Variants in CEMIP observed in about 807,000 individuals in gnomAD.
CEMIP encodes cell migration inducing hyaluronidase 1.
CEMIP carries 105 observed loss-of-function variants against 156.9 expected under a neutral mutation model. That is an observed-to-expected ratio of 0.67 (90% CI 0.57 to 0.79). The LOEUF (loss-of-function observed/expected upper bound fraction) is 0.79, where lower values mean the gene tolerates loss of function less well. Among genes scored for constraint, CEMIP ranks in the 30% least tolerant of loss-of-function variants. The pLI, the probability that CEMIP is intolerant of heterozygous loss-of-function variation, is 0.00. For missense variants in CEMIP, 1,457 were observed against 1,769.4 expected, an observed-to-expected ratio of 0.82 and a Z score of 3.17; for synonymous variants, 676 against 668.4, an observed-to-expected ratio of 1.01 and a Z score of -0.17.
At chr15:80,904,782 A>G (rs138162738) in intron 12 of CEMIP, among the ~76,000 whole-genome samples, 118 of 152,290 alleles carry the variant, frequency 7.7e-4, no homozygotes, top group African/African-American at 2.8e-3. Flanking sequence ...TGACACCTTG[A>G]TTTATCCCCG....
At chr15:80,893,242 GTTA>G (rs762660166) in intron 10 of CEMIP, among the ~76,000 whole-genome samples, 2 of 151,784 alleles carry the variant, frequency 1.3e-5, no homozygotes, top group African/African-American at 2.4e-5. Flanking sequence ...TTTACTATTA[GTTA>G]TTATATTGAT....
intron 1 of CEMIP, among the ~76,000 whole-genome samples, chr15:80,820,460 GT>G (rs1215125479): frequency 2.6e-5 from 4 of 152,146 alleles, no homozygotes; most frequent in South Asian, 2.1e-4. Context: ...ATGGGTCAAG[GT>G]TTTTTCCTTG....
chr15:80,894,479 T>G (rs1254074956), intron 10 of CEMIP, among the ~76,000 whole-genome samples: 1 of 152,178 alleles, frequency 6.6e-6, no homozygotes, highest in African/African-American at 2.4e-5. Context: ...TAGAATCACC[T>G]GGACAACTTT....
chr15:80,944,195 G>A lies in CEMIP; in HGVS notation c.3857+1093G>A, dbSNP rs376138533. On this transcript the variant is annotated intron_variant, in intron 28 of 29. Transcript: ENST00000394685. ...CTCAGGAGGCTGAGGCAGGAGAATC[G>A]CTTGAACCCAGGAGGCGGACGTTGC... Among the ~76,000 whole-genome samples, 678 of 152,232 alleles carry A rather than the reference G, an allele frequency of 4.5e-3. 5 individuals carry two copies. The highest frequency in any genetic ancestry group is 0.015 in the African/African-American group (623 of 41,526).
At position 80,922,149 on chromosome 15, in the gene CEMIP, C is replaced by T. The variant is rs1351921229; in HGVS notation, c.2202+12C>T. On this transcript the variant is annotated intron_variant, in intron 17 of 29. Coordinates refer to ENST00000394685, the MANE Select transcript of CEMIP (RefSeq NM_001293298.2). ...ATTCCAACTACCGGGTAAGTCTTTC[C>T]AGGCTGCGCCTCTCTGGCCAGCCTC... The T allele has an allele frequency of 3.1e-6, 5 of 1,613,892 alleles. No homozygotes were observed. Among genetic ancestry groups the T allele is most frequent in the Non-Finnish European group, 4.2e-6 (5 of 1,179,910 alleles).
rs1167322786 is a variant in CEMIP, at chr15:80,906,006, C to A, written c.1412-657C>A. 1.3e-5 allele frequency among the ~76,000 whole-genome samples: 2 copies of A among 152,240 alleles called. No individual in the cohort carries two copies. Among genetic ancestry groups the A allele is most frequent in the African/African-American group, 2.4e-5 (1 of 41,460 alleles). On this transcript the variant is annotated intron_variant, in intron 12 of 29. Coordinates refer to ENST00000394685, the MANE Select transcript of CEMIP (RefSeq NM_001293298.2). The surrounding 1 kb of genome is among the most constrained non-coding windows in gnomAD (Gnocchi z 4.3). ...TCCAATCTGGCTCTTTCTGGAGCCC[C>A]AGGCTGTAGATACACACTCTACATG...
chr15:80,786,556 C>CTGTGTGTGTGTGTGTGTG (rs3048927), intron 1 of CEMIP, among the ~76,000 whole-genome samples: 55 of 140,718 alleles, frequency 3.9e-4, no homozygotes, highest in South Asian at 1.2e-3. Context: ...GGATGTCTTG[C>CTGTGTGTGTGTGTGTGTG]TGTGTGTGTG....
intron 1 of CEMIP, among the ~76,000 whole-genome samples, chr15:80,829,507 C>G (rs559208954): frequency 1.3e-5 from 2 of 152,338 alleles, no homozygotes; most frequent in African/African-American, 4.8e-5. Context: ...TCTGGACCGC[C>G]CTGCCATGTT....
intron 12 of CEMIP, chr15:80,897,228 T>A (rs560050862): frequency 2.2e-4 from 98 of 455,478 alleles, no homozygotes; most frequent in African/African-American, 1.9e-3. Flanking sequence ...GACCATGGAT[T>A]GAGAAAGCGT....
chr15:80,859,951 G>A (rs1897945306), intron 1 of CEMIP, among the ~76,000 whole-genome samples: 1 of 152,148 alleles, frequency 6.6e-6, no homozygotes, highest in Admixed American at 6.5e-5. Context: ...AACCCAAAGG[G>A]TAGGGTGGAT....
chr15:80,909,758 G>T (rs915261198), intron 14 of CEMIP: 1 of 396,870 alleles, frequency 2.5e-6, no homozygotes. Context: ...AAGTGCTGCT[G>T]GGAGAAATAC....
At chr15:80,920,054 C>A (rs1567101069) in intron 14 of CEMIP, 40 bp from the exon 15 acceptor site, 2 of 1,592,562 alleles carry the variant, frequency 1.3e-6, no homozygotes, top group Non-Finnish European at 1.7e-6. Flanking sequence ...ACATGAATAA[C>A]TGGATGCTTG....
Position 80,928,842 on chromosome 15 carries a change from C to T in CEMIP, c.2421-60C>T, listed in dbSNP as rs374943534. On this transcript the variant is annotated intron_variant, in intron 19 of 29. Transcript: ENST00000394685. The stretch of plus-strand genomic sequence containing the variant: ...GGGCAGGGAAGTGTCCTTCTCTCCA[C>T]GACTCCACTGAATGTGAAGCCAGGG... The T allele has an allele frequency of 4.4e-5, 71 of 1,604,604 alleles. No homozygotes were observed. In the African/African-American group the frequency reaches 5.0e-4, roughly 11 times the overall value.
At chr15:80,877,190 G>A (rs891181231) in intron 3 of CEMIP, among the ~76,000 whole-genome samples, 4 of 152,158 alleles carry the variant, frequency 2.6e-5, no homozygotes, top group Admixed American at 2.6e-4. Context: ...CATGGGAATT[G>A]TGAGAGCTAC....
chr15:80,780,562 G>T (rs953211950), intron 1 of CEMIP, among the ~76,000 whole-genome samples: 1 of 152,224 alleles, frequency 6.6e-6, no homozygotes, highest in Non-Finnish European at 1.5e-5. Context: ...TGCCGGGTTT[G>T]AGGTCCTGAG....
intron 1 of CEMIP, among the ~76,000 whole-genome samples, chr15:80,864,968 C>T (rs763865351): frequency 2.4e-4 from 36 of 152,078 alleles, no homozygotes; most frequent in Non-Finnish European, 5.1e-4. Flanking sequence ...GGGAATACCA[C>T]CGTGAGAACT....
At chr15:80,806,052 T>C (rs1896505329) in intron 1 of CEMIP, among the ~76,000 whole-genome samples, 1 of 152,240 alleles carries the variant, frequency 6.6e-6, no homozygotes, top group Admixed American at 6.5e-5. Context: ...TATGTACTGG[T>C]AATGAATAAC....
At chr15:80,791,557 G>A (rs553688315) in intron 1 of CEMIP, among the ~76,000 whole-genome samples, 4 of 152,178 alleles carry the variant, frequency 2.6e-5, no homozygotes, top group South Asian at 2.1e-4. Context: ...GTTTCTTCCC[G>A]CTGCAAGTAG....
chr15:80,833,575 G>A (rs933263529), intron 1 of CEMIP, among the ~76,000 whole-genome samples: 1 of 152,078 alleles, frequency 6.6e-6, no homozygotes, highest in Non-Finnish European at 1.5e-5. Flanking sequence ...GCAGTTTGGA[G>A]GGCTGTGTGG....
Sources: gnomAD v4.1 joint callset for allele counts (sites outside exome capture counted in the v4.1 genomes callset) on GRCh38, gnomAD v4.1.1 for gene constraint, Gnocchi (gnomAD v3.1) non-coding constraint, MANE v1.5 for transcripts, NCBI Gene and HGNC (gene_info 2026-07-23, HGNC 2026-07-21) for gene names.